Variants in TMEM108 observed in about 807,000 individuals in gnomAD.
The protein encoded by TMEM108 is cancer/testis antigen 124.
A neutral mutation model predicts 35.1 loss-of-function variants in TMEM108; 12 were observed. The ratio of observed to expected loss-of-function variants is 0.34; its 90% confidence interval spans 0.22 to 0.55. TMEM108 has a LOEUF of 0.55. Among genes scored for constraint, TMEM108 ranks in the 20% least tolerant of loss-of-function variants. The pLI, the probability that TMEM108 is intolerant of heterozygous loss-of-function variation, is 0.89. For missense variants in TMEM108, 680 were observed against 753.3 expected, an observed-to-expected ratio of 0.90 and a Z score of 1.14; for synonymous variants, 287 against 308.6, an observed-to-expected ratio of 0.93 and a Z score of 0.73.
In TMEM108 at chr3:133,124,408, C is replaced by T. The variant is rs564402729; in HGVS notation, c.-47+78388C>T. 7.0e-4 allele frequency among the ~76,000 whole-genome samples: 107 copies of T among 152,290 alleles called. 2 individuals are homozygous for T. Among genetic ancestry groups the T allele is most frequent in the African/African-American group, 2.5e-3 (103 of 41,558 alleles). ...CTGAAGATGAAGGAGATTTGAGGTT[C>T]TCTGAGAATTAAAATTCGGCTGGAG... is the stretch of plus-strand genomic sequence containing the variant. On this transcript the variant is annotated intron_variant, in intron 2 of 5. Transcript: ENST00000321871.
At chr3:133,197,245 AC>A (rs1165615159) in intron 2 of TMEM108, among the ~76,000 whole-genome samples, 2 of 152,192 alleles carry the variant, frequency 1.3e-5, no homozygotes, top group Admixed American at 6.5e-5. Context: ...TTTTTGTATT[AC>A]CTTTGGAGGG....
chr3:133,268,869 A>G (rs982047271), intron 3 of TMEM108, among the ~76,000 whole-genome samples: 8 of 152,242 alleles, frequency 5.3e-5, no homozygotes, highest in African/African-American at 1.9e-4. Flanking sequence ...ACATTCTGGA[A>G]AATATCCTGA....
At chr3:133,085,600 A>G (rs1046041901) in intron 2 of TMEM108, among the ~76,000 whole-genome samples, 3 of 152,104 alleles carry the variant, frequency 2.0e-5, no homozygotes, top group African/African-American at 7.2e-5. Context: ...ATTTGGACCA[A>G]ATTTGGCCAC....
intron 2 of TMEM108, among the ~76,000 whole-genome samples, chr3:133,185,653 G>T (rs1317605957): frequency 6.6e-6 from 1 of 151,852 alleles, no homozygotes; most frequent in Non-Finnish European, 1.5e-5. Flanking sequence ...AGAGCAGGGA[G>T]CAAGACTTCA....
At chr3:133,163,321 G>A (rs904681526) in intron 2 of TMEM108, among the ~76,000 whole-genome samples, 2 of 152,204 alleles carry the variant, frequency 1.3e-5, no homozygotes, top group East Asian at 3.8e-4. Context: ...CAGTGGGGAA[G>A]AGGCAGGACA....
chr3:133,250,016 G>C (rs762280801), intron 3 of TMEM108, among the ~76,000 whole-genome samples: 1 of 152,122 alleles, frequency 6.6e-6, no homozygotes. Context: ...GGCTCAAGCA[G>C]TCCTCACAAC....
At chr3:133,117,842 G>A (rs1944306208) in intron 2 of TMEM108, among the ~76,000 whole-genome samples, 1 of 152,178 alleles carries the variant, frequency 6.6e-6, no homozygotes, top group African/African-American at 2.4e-5. Context: ...GCTGGCTGCT[G>A]TTTCTCTTGA....
rs181487138 is a variant in TMEM108, at chr3:133,377,323, G to A, written c.41-2429G>A. Among the ~76,000 whole-genome samples, 17 of 152,284 alleles carry A rather than the reference G, an allele frequency of 1.1e-4. No individual in the cohort carries two copies. The East Asian group carries it at 2.3e-3, about 21-fold the overall frequency. On this transcript the variant is annotated intron_variant, in intron 3 of 5. Transcript: ENST00000321871. The stretch of plus-strand genomic sequence containing the variant: ...CAAAACATGGAGGTCACCACCACTA[G>A]CCCTAGGAATAGATTGTCTCTCTGG...
rs528508777 is a variant in TMEM108 at position 133,370,919 on chromosome 3, T to TGTGTGTGTGTGTGTGC, written c.41-8830_41-8829insTGTGTGTGTGTGCGTG. Among the ~76,000 whole-genome samples, 12 of 136,790 alleles carry TGTGTGTGTGTGTGTGC rather than the reference T, an allele frequency of 8.8e-5. No individual in the cohort carries two copies. The East Asian group carries it at 2.5e-3, about 28-fold the overall frequency. The allele number at this position is 136,790 out of a possible 152,430, so 89.7% of individuals were successfully genotyped here. On this transcript the variant is annotated intron_variant, in intron 3 of 5. Coordinates refer to ENST00000321871, the MANE Select transcript of TMEM108 (RefSeq NM_023943.4). Reference sequence around the variant, plus strand: ...GTGTGTGTGTGTGTGTGTGTGTGTGTGTGCCAGGAAGCTTCATGGCCCTCC... The same window carrying TGTGTGTGTGTGTGTGC: ...GTGTGTGTGTGTGTGTGTGTGTGTGTGTGTGTGTGTGTGTGCGTGCCAGGAAGCTTCATGGCCCTCC...
At chr3:133,078,136 G>A (rs1371217305) in intron 2 of TMEM108, among the ~76,000 whole-genome samples, 1 of 96,696 alleles carries the variant, frequency 1.0e-5, no homozygotes, top group African/African-American at 4.1e-5. Context: ...AGTTTATGGA[G>A]CTCAGTGTGT....
In TMEM108 at chr3:133,123,691, G is replaced by C. The variant is rs548486134; in HGVS notation, c.-47+77671G>C. On this transcript the variant is annotated intron_variant, in intron 2 of 5. Coordinates refer to ENST00000321871, the MANE Select transcript of TMEM108 (RefSeq NM_023943.4). ...GAGGAGCCATGGAAGTGAATAAGAA[G>C]CCTCTTTTTAGAAGAAATTCAAAGG... Among the ~76,000 whole-genome samples, 25 of 152,206 alleles carry C rather than the reference G, an allele frequency of 1.6e-4. No homozygotes were observed. In the South Asian group the frequency reaches 2.3e-3, roughly 14 times the overall value.
intron 3 of TMEM108, among the ~76,000 whole-genome samples, chr3:133,371,406 A>G (rs1471244361): frequency 6.6e-6 from 1 of 152,084 alleles, no homozygotes; most frequent in Non-Finnish European, 1.5e-5. Flanking sequence ...TTGTATTGCT[A>G]TCATCTGGAA....
At chr3:133,170,131 G>A (rs1945108444) in intron 2 of TMEM108, among the ~76,000 whole-genome samples, 2 of 151,938 alleles carry the variant, frequency 1.3e-5, no homozygotes, top group Admixed American at 6.6e-5. Context: ...TTTTCCATCT[G>A]GTTGTAAAGA....
chr3:133,088,329 A>G (rs1354846702), intron 2 of TMEM108, among the ~76,000 whole-genome samples: 1 of 152,174 alleles, frequency 6.6e-6, no homozygotes, highest in Non-Finnish European at 1.5e-5. Flanking sequence ...GAGGAGTCAC[A>G]GGGGAGAGAA....
At chr3:133,213,523 T>G (rs746343590) in intron 2 of TMEM108, among the ~76,000 whole-genome samples, 2 of 152,208 alleles carry the variant, frequency 1.3e-5, no homozygotes, top group Non-Finnish European at 2.9e-5. Flanking sequence ...GTTCATATTC[T>G]ATAAAACTGC....
intron 2 of TMEM108, among the ~76,000 whole-genome samples, chr3:133,066,637 T>C (rs1213425164): frequency 6.6e-6 from 1 of 152,204 alleles, no homozygotes; most frequent in Non-Finnish European, 1.5e-5. Flanking sequence ...TTCTATAGTT[T>C]ACTCAGTGTT....
chr3:133,380,928 C>T lies in TMEM108; in HGVS notation c.1217C>T (p.Ala406Val), dbSNP rs2072993748. Reference sequence around the variant, plus strand: ...TCTGGAGCCAAGGAGGAGACTGTGGCCACCCTCACCATGACCGACCGGGTG... The same window carrying T: ...TCTGGAGCCAAGGAGGAGACTGTGGTCACCCTCACCATGACCGACCGGGTG... ...TISGAKEETVATLTMTDRVPS... is the reference protein window; with the variant it reads ...TISGAKEETVVTLTMTDRVPS... The change falls in exon 4 of 6, where the codon GCC becomes GTC. Residue 406 changes from alanine to valine, a missense_variant. Ala to Val is a moderately conservative substitution (Grantham distance 64, BLOSUM62 0). Coordinates refer to ENST00000321871, the MANE Select transcript of TMEM108 (RefSeq NM_023943.4). The surrounding 1 kb of genome is among the most constrained non-coding windows in gnomAD (Gnocchi z 5.3). 3 of 1,614,182 alleles carry T rather than the reference C, an allele frequency of 1.9e-6. No homozygotes were observed. The highest frequency in any genetic ancestry group is 2.5e-6 in the Non-Finnish European group (3 of 1,180,024).
chr3:133,266,069 T>TTTTTTTTTTTTTTTTTTTGAGACG (rs1559886826), intron 3 of TMEM108, among the ~76,000 whole-genome samples: 1 of 152,198 alleles, frequency 6.6e-6, no homozygotes, highest in Admixed American at 6.5e-5. Context: ...GATCTCTTTT[T>TTTTTTTTTTTTTTTTTTTGAGACG]GCCTTGACTC....
At chr3:133,270,402 A>T (rs751392722) in intron 3 of TMEM108, among the ~76,000 whole-genome samples, 13 of 152,148 alleles carry the variant, frequency 8.5e-5, no homozygotes, top group Non-Finnish European at 1.9e-4. Flanking sequence ...GGACCTTGAA[A>T]CCTGTTTAGT....
Sources: gnomAD v4.1 joint callset for allele counts (sites outside exome capture counted in the v4.1 genomes callset) on GRCh38, gnomAD v4.1.1 for gene constraint, Gnocchi (gnomAD v3.1) non-coding constraint, MANE v1.5 for transcripts, NCBI Gene and HGNC (gene_info 2026-07-23, HGNC 2026-07-21) for gene names.